The following FAM24B variants were observed in gnomAD, a reference collection of about 807,000 sequenced individuals.
FAM24B encodes the protein family with sequence similarity 24 member B.
A neutral mutation model predicts 2.3 loss-of-function variants in FAM24B; 3 were observed. The observed-to-expected ratio is 1.29, with a 90% CI of 0.59 to 3.32. The LOEUF (loss-of-function observed/expected upper bound fraction) is 3.32. FAM24B is among the 30% of genes most tolerant of loss of function. FAM24B has a pLI of 0.03. For synonymous variants in FAM24B, 36 were observed against 46.3 expected (o/e 0.78, Z 0.90); for missense variants, 98 against 117.2 (o/e 0.84, Z 0.76).
intron 2 of FAM24B, among the ~76,000 whole-genome samples, chr10:122,854,696 G>A (rs1315964006): frequency 2.0e-5 from 3 of 152,188 alleles, no homozygotes; most frequent in Non-Finnish European, 4.4e-5. Flanking sequence ...TGTTCCAGAT[G>A]GCAAAAGGTA....
intron 2 of FAM24B, among the ~76,000 whole-genome samples, chr10:122,853,016 C>A (rs570558034): frequency 6.6e-6 from 1 of 152,010 alleles, no homozygotes; most frequent in East Asian, 1.9e-4. Flanking sequence ...TTTAGGAATC[C>A]GAGACAAAAA....
chr10:122,862,700 T>C (rs899866054), intron 1 of FAM24B, among the ~76,000 whole-genome samples: 2 of 151,960 alleles, frequency 1.3e-5, no homozygotes, highest in African/African-American at 4.8e-5. Flanking sequence ...ACAAACTGGG[T>C]TTTTTAACAC....
chr10:122,850,397 G>A (rs1307675628), intron 3 of FAM24B, 27 bp downstream of exon 3: 36 of 1,575,640 alleles, frequency 2.3e-5, no homozygotes, highest in South Asian at 4.4e-5. Flanking sequence ...ACTTTAGTAC[G>A]TTGTTTATTT....
At chr10:122,866,370 T>C (rs908950232) in intron 1 of FAM24B, among the ~76,000 whole-genome samples, 3 of 152,058 alleles carry the variant, frequency 2.0e-5, no homozygotes, top group South Asian at 2.1e-4. Context: ...GTCAATTTCA[T>C]TGATTTTTGC....
At chr10:122,855,473 G>A (rs1459171184) in intron 2 of FAM24B, 172 bp downstream of exon 2, 1 of 152,206 alleles carries the variant, frequency 6.6e-6, no homozygotes, top group Non-Finnish European at 1.5e-5. Flanking sequence ...GCACGATGAG[G>A]AAGATCACAA....
intron 1 of FAM24B, among the ~76,000 whole-genome samples, chr10:122,860,669 G>A (rs553455037): frequency 2.0e-5 from 3 of 152,238 alleles, no homozygotes; most frequent in Admixed American, 6.5e-5. Context: ...ATGTTAATTT[G>A]TCAGCATTTG....
chr10:122,868,428 G>A (rs1847836626), intron 1 of FAM24B, among the ~76,000 whole-genome samples: 1 of 152,098 alleles, frequency 6.6e-6, no homozygotes, highest in Non-Finnish European at 1.5e-5. Context: ...AGGAAATATA[G>A]AGAACGCCAC....
chr10:122,873,572 G>C (rs1469403469), intron 1 of FAM24B, among the ~76,000 whole-genome samples: 1 of 152,258 alleles, frequency 6.6e-6, no homozygotes, highest in Non-Finnish European at 1.5e-5. Context: ...CATGGATCAA[G>C]GAGTAATTTC....
At chr10:122,874,625 C>T (rs1458898817) in intron 1 of FAM24B, among the ~76,000 whole-genome samples, 1 of 152,020 alleles carries the variant, frequency 6.6e-6, no homozygotes, top group Non-Finnish European at 1.5e-5. Flanking sequence ...TTTCTTGTTC[C>T]TCTATAGCAT....
intron 2 of FAM24B, among the ~76,000 whole-genome samples, chr10:122,851,093 C>T (rs549952283): frequency 1.3e-5 from 2 of 152,320 alleles, no homozygotes; most frequent in Non-Finnish European, 2.9e-5. Flanking sequence ...CCTCTGACAA[C>T]TGGCATTTTT....
At chr10:122,871,901 C>A (rs1002502971) in intron 1 of FAM24B, among the ~76,000 whole-genome samples, 1 of 152,122 alleles carries the variant, frequency 6.6e-6, no homozygotes, top group Non-Finnish European at 1.5e-5. Context: ...GTCTAAAACA[C>A]CAAAAGCAAT....
At chr10:122,853,524 A>G (rs55869048) in intron 2 of FAM24B, among the ~76,000 whole-genome samples, 3,937 of 151,554 alleles carry the variant, frequency 0.026, 151 homozygotes, top group African/African-American at 0.084. Flanking sequence ...ACTGATTTCC[A>G]CCTCTCTCCC....
intron 1 of FAM24B, among the ~76,000 whole-genome samples, chr10:122,874,068 G>T (rs1264043545): frequency 6.6e-6 from 1 of 152,124 alleles, no homozygotes; most frequent in Admixed American, 6.5e-5. Flanking sequence ...TTCTAGGAGT[G>T]TTTCAGAAAA....
chr10:122,873,059 C>T (rs1847922927), intron 1 of FAM24B, among the ~76,000 whole-genome samples: 1 of 152,134 alleles, frequency 6.6e-6, no homozygotes, highest in Non-Finnish European at 1.5e-5. Context: ...GAAGGTACAG[C>T]AAGTTATCTA....
chr10:122,855,807 C>T (rs886779526), intron 1 of FAM24B, 21 bp from the exon 2 acceptor site: 1 of 152,220 alleles, frequency 6.6e-6, no homozygotes, highest in Non-Finnish European at 1.5e-5. Context: ...GAAAAGAGAA[C>T]AGCTCAAGTA....
intron 1 of FAM24B, among the ~76,000 whole-genome samples, chr10:122,870,514 G>A (rs1439038976): frequency 6.6e-6 from 1 of 152,172 alleles, no homozygotes; most frequent in Non-Finnish European, 1.5e-5. Context: ...TATCCTTGAT[G>A]AACATTGATG....
chr10:122,868,212 G>A (rs1296611283), intron 1 of FAM24B, among the ~76,000 whole-genome samples: 9 of 151,990 alleles, frequency 5.9e-5, no homozygotes, highest in African/African-American at 1.9e-4. Context: ...ATGAAATGAA[G>A]CGTGAAGAGA....
chr10:122,871,822 A>G (rs1241638128), intron 1 of FAM24B, among the ~76,000 whole-genome samples: 2 of 152,152 alleles, frequency 1.3e-5, no homozygotes, highest in Non-Finnish European at 2.9e-5. Context: ...TAGACCTAAA[A>G]CCATAAAAAC....
At chr10:122,876,977 T>C (rs570833585) in intron 1 of FAM24B, among the ~76,000 whole-genome samples, 4 of 152,348 alleles carry the variant, frequency 2.6e-5, no homozygotes, top group African/African-American at 7.2e-5. Flanking sequence ...TAGATACATA[T>C]ATGATTCTAC....
Sources: allele counts gnomAD v4.1 joint callset (sites outside exome capture counted in the v4.1 genomes callset), GRCh38; gene constraint gnomAD v4.1.1; transcripts MANE v1.5; gene names NCBI Gene and HGNC (gene_info 2026-07-23, HGNC 2026-07-21).